The following CRB1 variants were observed in gnomAD, a reference collection of about 807,000 sequenced individuals.
CRB1 encodes the protein protein crumbs homolog 1.
In CRB1, 83 loss-of-function variants were observed where a neutral mutation model predicts 120.0. The ratio of observed to expected loss-of-function variants is 0.69; its 90% confidence interval spans 0.58 to 0.83. The LOEUF (loss-of-function observed/expected upper bound fraction) is 0.83, where lower values mean the gene tolerates loss of function less well. CRB1 is among the 40% of genes least tolerant of loss of function. The pLI is 0.00. For synonymous variants in CRB1, 625 were observed against 612.5 expected (o/e 1.02, Z -0.30); for missense variants, 1,699 against 1,687.6 (o/e 1.01, Z -0.12).
chr1:197,252,912 C>T, the CRB1 span, among the ~76,000 whole-genome samples: 1 of 151,834 alleles, frequency 6.6e-6, no homozygotes, highest in Non-Finnish European at 1.5e-5. Context: ...GGATGATGCT[C>T]ATTCACATTG....
intron 3 of CRB1, 115 bp downstream of exon 3, chr1:197,344,591 T>C: frequency 1.1e-6 from 1 of 939,036 alleles, no homozygotes; most frequent in Non-Finnish European, 1.7e-6. Context: ...GGGGTGTAAC[T>C]TTATACTTTA....
intron 11 of CRB1, among the ~76,000 whole-genome samples, chr1:197,456,315 T>C (rs1228056755): frequency 6.6e-6 from 1 of 152,170 alleles, no homozygotes; most frequent in Non-Finnish European, 1.5e-5. Flanking sequence ...TCAATAAATA[T>C]TACCTAAGTG....
intron 4 of CRB1, among the ~76,000 whole-genome samples, chr1:197,353,814 T>TAAAAAAA (rs57274486): frequency 5.0e-4 from 45 of 89,284 alleles, no homozygotes; most frequent in East Asian, 1.8e-3. Flanking sequence ...AATATATAAA[T>TAAAAAAA]AAAAAAAAAA....
chr1:197,216,041 A>G, the CRB1 span, among the ~76,000 whole-genome samples: 2 of 152,102 alleles, frequency 1.3e-5, no homozygotes, highest in Non-Finnish European at 2.9e-5. Flanking sequence ...AAGATCCTTA[A>G]ATTTCTTAAA....
At chr1:197,426,284 C>A (rs868084964) in intron 6 of CRB1, among the ~76,000 whole-genome samples, 7 of 152,134 alleles carry the variant, frequency 4.6e-5, no homozygotes, top group Admixed American at 2.6e-4. Context: ...TGAGTTGCTA[C>A]AATAATGTAG....
chr1:197,278,913 T>C (rs1655370486), intron 1 of CRB1, among the ~76,000 whole-genome samples: 2 of 151,914 alleles, frequency 1.3e-5, no homozygotes, highest in African/African-American at 4.8e-5. Context: ...CCAGACATTT[T>C]TGCCTAAGAA....
At chr1:197,470,347 C>T (rs1250246608) in intron 11 of CRB1, among the ~76,000 whole-genome samples, 2 of 152,152 alleles carry the variant, frequency 1.3e-5, no homozygotes, top group Admixed American at 6.5e-5. Context: ...GGAAGGTCTC[C>T]CCAAGAAGAT....
the CRB1 span, among the ~76,000 whole-genome samples, chr1:197,242,967 G>A: frequency 6.6e-6 from 1 of 152,090 alleles, no homozygotes; most frequent in Admixed American, 6.6e-5. Flanking sequence ...GTGTAGAGGT[G>A]TTTATAGTAT....
upstream of CRB1, among the ~76,000 whole-genome samples, chr1:197,266,846 T>G (rs1654654939): frequency 6.6e-6 from 1 of 152,170 alleles, no homozygotes; most frequent in South Asian, 2.1e-4. Flanking sequence ...TATTCATTTT[T>G]TTTTCCAGTC....
chr1:197,358,306 G>A (rs1010058451), intron 5 of CRB1, among the ~76,000 whole-genome samples: 8 of 152,120 alleles, frequency 5.3e-5, no homozygotes, highest in African/African-American at 1.4e-4. Flanking sequence ...ATAAGGTGAA[G>A]GCATTATAAA....
At chr1:197,426,731 A>G (rs1664601674) in intron 6 of CRB1, among the ~76,000 whole-genome samples, 1 of 152,106 alleles carries the variant, frequency 6.6e-6, no homozygotes, top group Non-Finnish European at 1.5e-5. Flanking sequence ...CCAGGACCAC[A>G]GAAGGAAGGG....
chr1:197,408,275 T>A (rs984385538), intron 5 of CRB1, among the ~76,000 whole-genome samples: 2 of 152,106 alleles, frequency 1.3e-5, no homozygotes, highest in African/African-American at 2.4e-5. Flanking sequence ...TTGGGATTTT[T>A]AAAAAACTGA....
intron 5 of CRB1, among the ~76,000 whole-genome samples, chr1:197,394,464 A>G (rs912321645): frequency 1.3e-5 from 2 of 152,014 alleles, no homozygotes; most frequent in African/African-American, 4.8e-5. Flanking sequence ...AGGGGTCGGC[A>G]TCCCAGCCCC....
chr1:197,204,512 T>C, the CRB1 span, among the ~76,000 whole-genome samples: 1 of 152,210 alleles, frequency 6.6e-6, no homozygotes. Flanking sequence ...CTTTTGATTT[T>C]TATTTCCCTG....
chr1:197,292,545 C>T (rs542192038), intron 1 of CRB1, among the ~76,000 whole-genome samples: 1 of 152,140 alleles, frequency 6.6e-6, no homozygotes, highest in Non-Finnish European at 1.5e-5. Context: ...GGGAATCCTC[C>T]CTAACTCATT....
intron 5 of CRB1, among the ~76,000 whole-genome samples, chr1:197,418,526 T>C (rs1344326716): frequency 1.3e-5 from 2 of 152,222 alleles, no homozygotes; most frequent in African/African-American, 4.8e-5. Flanking sequence ...AAAGCTTGTA[T>C]GAAAGTAATC....
Position 197,477,886 on chromosome 1 carries a change from T to C in CRB1, c.*7T>C, listed in dbSNP as rs1420884395. ...AATGGAGAGACTGATTTAGGAGCAT[T>C]GTGTCCCTTCGAGATGGGGATCCAC... On this transcript the variant is annotated 3_prime_UTR_variant, in exon 12 of 12. Transcript: ENST00000367400. 1.2e-6 allele frequency: 2 copies of C among 1,613,178 alleles called. No homozygotes were observed. The highest frequency in any genetic ancestry group is 1.7e-6 in the Non-Finnish European group (2 of 1,179,504).
chr1:197,218,203 G>C, the CRB1 span, among the ~76,000 whole-genome samples: 1 of 152,190 alleles, frequency 6.6e-6, no homozygotes, highest in African/African-American at 2.4e-5. Context: ...CAAGGAACAA[G>C]AAAGGTGTGT....
At chr1:197,293,717 A>G (rs1225787351) in intron 1 of CRB1, among the ~76,000 whole-genome samples, 1 of 152,136 alleles carries the variant, frequency 6.6e-6, no homozygotes, top group Admixed American at 6.6e-5. Flanking sequence ...AAACAGAGAT[A>G]TAGACCAATG....
Sources: allele counts gnomAD v4.1 joint callset (sites outside exome capture counted in the v4.1 genomes callset), GRCh38; gene constraint gnomAD v4.1.1; transcripts MANE v1.5; gene names NCBI Gene and HGNC (gene_info 2026-07-23, HGNC 2026-07-21).